Variants in DRC9 observed in about 807,000 individuals in gnomAD.
DRC9 encodes dynein regulatory complex subunit 9, also known as dynein regulatory complex protein 9.
chr3:197,937,891 A>G, the DRC9 span, among the ~76,000 whole-genome samples: 1 of 152,214 alleles, frequency 6.6e-6, no homozygotes, highest in Non-Finnish European at 1.5e-5. Flanking sequence ...CTCTCCAGTC[A>G]ATAGCACTGG....
the DRC9 span, among the ~76,000 whole-genome samples, chr3:197,949,058 G>A: frequency 5.3e-5 from 8 of 152,162 alleles, no homozygotes; most frequent in Non-Finnish European, 1.2e-4. Context: ...CCATCTCAAA[G>A]TGGGGAAAGC....
the DRC9 span, chr3:197,913,843 C>T: frequency 9.4e-6 from 15 of 1,602,492 alleles, no homozygotes; most frequent in Non-Finnish European, 1.2e-5. Context: ...AGCTCAATTG[C>T]CATCTCCTGG....
At chr3:197,921,910 C>CTAAT in the DRC9 span, among the ~76,000 whole-genome samples, 1 of 141,738 alleles carries the variant, frequency 7.1e-6, no homozygotes, top group Non-Finnish European at 1.5e-5. Context: ...GTTGACCCGA[C>CTAAT]TACTGGTTTT....
At chr3:197,929,934 A>G in the DRC9 span, among the ~76,000 whole-genome samples, 1 of 152,114 alleles carries the variant, frequency 6.6e-6, no homozygotes, top group Non-Finnish European at 1.5e-5. The surrounding 1 kb of genome is among the most constrained non-coding windows in gnomAD (Gnocchi z 4.6). Flanking sequence ...TCTGTCTCAA[A>G]AACAAAACAA....
the DRC9 span, chr3:197,889,300 A>C: frequency 7.3e-6 from 3 of 412,982 alleles, no homozygotes; most frequent in Non-Finnish European, 1.3e-5. Flanking sequence ...CTGCTGAGAA[A>C]GAGCAAGAAG....
chr3:197,959,890 A>C, the DRC9 span: 1 of 360,384 alleles, frequency 2.8e-6, no homozygotes, highest in East Asian at 5.1e-5. Context: ...AGAGGGTTGT[A>C]TGTACGTCTA....
the DRC9 span, among the ~76,000 whole-genome samples, chr3:197,948,698 T>A: frequency 1.9e-3 from 287 of 152,380 alleles, 1 homozygote; most frequent in African/African-American, 6.5e-3. Context: ...ACAAGTTCTA[T>A]CCTGTTGTAT....
At chr3:197,925,978 G>A in the DRC9 span, 2 of 941,430 alleles carry the variant, frequency 2.1e-6, no homozygotes, top group Non-Finnish European at 3.5e-6. Flanking sequence ...ATATTTAATA[G>A]CTGTGTTAGC....
chr3:197,924,772 C>G, the DRC9 span, among the ~76,000 whole-genome samples: 1 of 152,086 alleles, frequency 6.6e-6, no homozygotes, highest in Non-Finnish European at 1.5e-5. Flanking sequence ...CCCGTCTTGG[C>G]TTCCCAAAGT....
the DRC9 span, chr3:197,954,393 G>A: frequency 1.8e-6 from 1 of 544,886 alleles, no homozygotes; most frequent in Admixed American, 3.0e-5. Flanking sequence ...GGGTGCAGTG[G>A]CATAATCACA....
chr3:197,893,722 C>T, the DRC9 span, among the ~76,000 whole-genome samples: 1 of 151,404 alleles, frequency 6.6e-6, no homozygotes, highest in African/African-American at 2.4e-5. Flanking sequence ...GTAGCCGGCA[C>T]CTGTAATCCC....
At chr3:197,907,857 G>T in the DRC9 span, among the ~76,000 whole-genome samples, 1 of 150,430 alleles carries the variant, frequency 6.6e-6, no homozygotes, top group Non-Finnish European at 1.5e-5. Flanking sequence ...CCTTTCCAAG[G>T]CACCCTCCCA....
At chr3:197,936,730 A>C in the DRC9 span, among the ~76,000 whole-genome samples, 1 of 152,278 alleles carries the variant, frequency 6.6e-6, no homozygotes, top group Non-Finnish European at 1.5e-5. Flanking sequence ...GGAGATGTAC[A>C]TTTTGTGAAT....
chr3:197,956,508 T>C, the DRC9 span: 1 of 152,196 alleles, frequency 6.6e-6, no homozygotes, highest in African/African-American at 2.4e-5. Context: ...TTTCTTTGGC[T>C]TCATGTTTTA....
At chr3:197,892,784 T>A in the DRC9 span, 11 of 1,613,530 alleles carry the variant, frequency 6.8e-6, no homozygotes, top group East Asian at 2.5e-4. Context: ...CATGAAAACA[T>A]GGCATTCAGC....
chr3:197,940,558 G>T, the DRC9 span, among the ~76,000 whole-genome samples: 1 of 151,984 alleles, frequency 6.6e-6, no homozygotes, highest in African/African-American at 2.4e-5. Flanking sequence ...GGCTTTAAAA[G>T]AGGGAAAATG....
the DRC9 span, among the ~76,000 whole-genome samples, chr3:197,919,523 C>G: frequency 2.6e-5 from 4 of 152,192 alleles, no homozygotes; most frequent in Non-Finnish European, 5.9e-5. Context: ...TGATGCATCA[C>G]AGTTTTGGGT....
chr3:197,928,352 T>G, the DRC9 span, among the ~76,000 whole-genome samples: 4 of 150,890 alleles, frequency 2.7e-5, no homozygotes, highest in East Asian at 1.9e-4. Context: ...TTTTTTTTTT[T>G]TTTTTTGTTT....
the DRC9 span, among the ~76,000 whole-genome samples, chr3:197,897,940 T>A: frequency 3.3e-5 from 5 of 149,416 alleles, no homozygotes; most frequent in Non-Finnish European, 5.9e-5. Flanking sequence ...CCAGCTAATT[T>A]TTTTTTTTTT....
Sources: gnomAD v4.1 joint callset for allele counts (sites outside exome capture counted in the v4.1 genomes callset) on GRCh38, gnomAD v4.1.1 for gene constraint, Gnocchi (gnomAD v3.1) non-coding constraint, MANE v1.5 for transcripts, NCBI Gene and HGNC (gene_info 2026-07-23, HGNC 2026-07-21) for gene names.